Variants in MTUS2 observed in about 807,000 individuals in gnomAD.
MTUS2 encodes the protein microtubule associated scaffold protein 2.
In MTUS2, 40 loss-of-function variants were observed where a neutral mutation model predicts 114.1. The observed-to-expected ratio is 0.35, with a 90% CI of 0.27 to 0.46. MTUS2 has a LOEUF of 0.46. Among genes scored for constraint, MTUS2 ranks in the 20% least tolerant of loss-of-function variants. The pLI is 1.00. For missense variants in MTUS2, 1,679 were observed against 1,705.4 expected (o/e 0.98, Z 0.27); for synonymous variants, 688 against 672.0 (o/e 1.02, Z -0.37).
At chr13:28,911,173 CTTTTTT>C (rs35468877) in intron 2 of MTUS2, among the ~76,000 whole-genome samples, 3 of 79,644 alleles carry the variant, frequency 3.8e-5, no homozygotes. Context: ...CTGCGCCCTG[CTTTTTT>C]TTTTTTTTTT....
chr13:29,340,179 C>T (rs374878773), intron 7 of MTUS2, among the ~76,000 whole-genome samples: 7 of 152,182 alleles, frequency 4.6e-5, no homozygotes, highest in African/African-American at 1.4e-4. Context: ...AGGGCAGCAC[C>T]CAGATGATCT....
At chr13:29,282,758 A>G (rs1898325854) in intron 6 of MTUS2, among the ~76,000 whole-genome samples, 1 of 152,186 alleles carries the variant, frequency 6.6e-6, no homozygotes, top group Non-Finnish European at 1.5e-5. Context: ...ATGTATATAT[A>G]TATGTAAACA....
At chr13:29,394,524 G>A (rs1873751776) in intron 8 of MTUS2, among the ~76,000 whole-genome samples, 1 of 152,196 alleles carries the variant, frequency 6.6e-6, no homozygotes, top group South Asian at 2.1e-4. Flanking sequence ...CAGGAAGCAG[G>A]CTTCAGAGAG....
intron 4 of MTUS2, among the ~76,000 whole-genome samples, chr13:29,036,162 A>G (rs1484770521): frequency 6.0e-5 from 9 of 149,554 alleles, no homozygotes; most frequent in Non-Finnish European, 7.4e-5. Context: ...AAAAAGAAAG[A>G]AAAATAAAAG....
chr13:29,445,095 T>G (rs750347656), intron 9 of MTUS2, among the ~76,000 whole-genome samples: 34 of 152,246 alleles, frequency 2.2e-4, no homozygotes, highest in Non-Finnish European at 1.2e-4. Context: ...GTTTGCATAG[T>G]GCCCTCTACC....
intron 7 of MTUS2, among the ~76,000 whole-genome samples, chr13:29,331,808 T>G (rs1013269565): frequency 1.3e-5 from 2 of 152,228 alleles, no homozygotes; most frequent in African/African-American, 4.8e-5. Flanking sequence ...CTGCATTTAT[T>G]GAGATAATCA....
At chr13:28,846,874 G>A (rs1313155045) in intron 2 of MTUS2, among the ~76,000 whole-genome samples, 1 of 152,144 alleles carries the variant, frequency 6.6e-6, no homozygotes, top group East Asian at 1.9e-4. Flanking sequence ...ATAGTTATTT[G>A]TGAACAGACA....
chr13:28,856,588 T>C (rs1267969019), intron 2 of MTUS2, among the ~76,000 whole-genome samples: 1 of 152,166 alleles, frequency 6.6e-6, no homozygotes, highest in Non-Finnish European at 1.5e-5. Context: ...ACAACAGCAG[T>C]GGTGCTGATG....
At chr13:29,151,162 C>T (rs1034301869) in intron 5 of MTUS2, among the ~76,000 whole-genome samples, 1 of 152,092 alleles carries the variant, frequency 6.6e-6, no homozygotes, top group Admixed American at 6.6e-5. Flanking sequence ...ATTATTTCTT[C>T]CAGTCCATGA....
rs771892127 is a variant in MTUS2 at position 29,359,366 on chromosome 13, C to T, written c.3010C>T (p.Arg1004Trp). Residue 1004 changes from arginine to tryptophan, a missense_variant, in exon 8 of 16, where the codon CGG becomes TGG. Arg to Trp is a moderately radical substitution (Grantham distance 101). Transcript: ENST00000612955. ...ERQLVLRLKE[R>W]CEQQTRQLGV... Reference sequence around the variant, plus strand: ...GCAGCTGGTGCTGCGGCTGAAGGAGCGGTGTGAGCAGCAGACCAGACAGCT... The same window carrying T: ...GCAGCTGGTGCTGCGGCTGAAGGAGTGGTGTGAGCAGCAGACCAGACAGCT... 3 of 1,612,680 alleles carry T rather than the reference C, an allele frequency of 1.9e-6. No homozygotes were observed. The highest frequency in any genetic ancestry group is 1.7e-6 in the Non-Finnish European group (2 of 1,179,516).
rs146682343 is a variant in MTUS2 at position 29,272,238 on chromosome 13, A to G, written c.2645-9466A>G. On this transcript the variant is annotated intron_variant, in intron 5 of 15. Transcript: ENST00000612955. Reference sequence around the variant, plus strand: ...CCAAGTGATAAATGCTGCTAAGTCAATGAAATATGCATCAGTTAGCTAATC... The same window carrying G: ...CCAAGTGATAAATGCTGCTAAGTCAGTGAAATATGCATCAGTTAGCTAATC... 2.0e-4 allele frequency among the ~76,000 whole-genome samples: 30 copies of G among 152,340 alleles called. 1 individual carries two copies. In the East Asian group the frequency reaches 4.2e-3, roughly 22 times the overall value.
intron 9 of MTUS2, among the ~76,000 whole-genome samples, chr13:29,440,591 C>T (rs986482237): frequency 1.3e-5 from 2 of 152,186 alleles, no homozygotes; most frequent in Non-Finnish European, 2.9e-5. Flanking sequence ...ATGTGGCTTT[C>T]ACCGTAGGTC....
intron 4 of MTUS2, among the ~76,000 whole-genome samples, chr13:29,068,212 A>T (rs1888749763): frequency 6.6e-6 from 1 of 152,238 alleles, no homozygotes; most frequent in South Asian, 2.1e-4. Context: ...TTTAGTATAT[A>T]TCACAGTGTT....
intron 5 of MTUS2, among the ~76,000 whole-genome samples, chr13:29,241,735 C>T (rs574248194): frequency 2.6e-5 from 4 of 152,290 alleles, no homozygotes; most frequent in African/African-American, 4.8e-5. Context: ...GGATAGTGCA[C>T]TGTCTACAGT....
intron 10 of MTUS2, among the ~76,000 whole-genome samples, chr13:29,487,020 A>C (rs1881662660): frequency 6.6e-6 from 1 of 152,232 alleles, no homozygotes; most frequent in Non-Finnish European, 1.5e-5. Flanking sequence ...GTCAGGAAAC[A>C]TGAAAATGAA....
At chr13:29,244,575 G>C (rs1896841842) in intron 5 of MTUS2, among the ~76,000 whole-genome samples, 1 of 152,176 alleles carries the variant, frequency 6.6e-6, no homozygotes, top group Admixed American at 6.5e-5. Context: ...CTCATGGTTG[G>C]CGCATGCTAT....
chr13:28,921,794 C>G (rs1434288056), intron 2 of MTUS2, among the ~76,000 whole-genome samples: 1 of 152,158 alleles, frequency 6.6e-6, no homozygotes, highest in Non-Finnish European at 1.5e-5. Flanking sequence ...CATGTCTTTG[C>G]TCTCCAATAT....
chr13:28,825,399 G>A (rs2137928655), intron 1 of MTUS2, among the ~76,000 whole-genome samples: 1 of 152,264 alleles, frequency 6.6e-6, no homozygotes, highest in South Asian at 2.1e-4. Flanking sequence ...TCTTTCTCGA[G>A]GAATGTCTTA....
At chr13:29,155,107 T>C (rs575903078) in intron 5 of MTUS2, among the ~76,000 whole-genome samples, 78 of 152,316 alleles carry the variant, frequency 5.1e-4, no homozygotes, top group African/African-American at 1.8e-3. Flanking sequence ...TAAGGATGAA[T>C]TCTCATGGTT....
Sources: allele counts gnomAD v4.1 joint callset (sites outside exome capture counted in the v4.1 genomes callset), GRCh38; gene constraint gnomAD v4.1.1; transcripts MANE v1.5; gene names NCBI Gene and HGNC (gene_info 2026-07-23, HGNC 2026-07-21).